The following GCNT2 variants were observed in gnomAD, a reference collection of about 807,000 sequenced individuals.
GCNT2 encodes glucosaminyl (N-acetyl) transferase 2 (I blood group), also known as N-acetyllactosaminide beta-1,6-N-acetylglucosaminyl-transferase.
A neutral mutation model predicts 34.2 loss-of-function variants in GCNT2; 34 were observed. That is an observed-to-expected ratio of 1.00 (90% CI 0.76 to 1.32). The LOEUF (loss-of-function observed/expected upper bound fraction) is 1.32. Among genes scored for constraint, GCNT2 ranks in the 40% most tolerant of loss-of-function variants. The pLI, the probability that GCNT2 is intolerant of heterozygous loss-of-function variation, is 0.00. For missense variants in GCNT2, 584 were observed against 489.4 expected (o/e 1.19, Z -1.82); for synonymous variants, 212 against 188.0 (o/e 1.13, Z -1.04).
At chr6:10,609,206 G>A (rs57090453) in intron 3 of GCNT2, among the ~76,000 whole-genome samples, 18,582 of 152,132 alleles carry the variant, frequency 0.12, 1,739 homozygotes, top group African/African-American at 0.26. Flanking sequence ...AAGAAAAGAG[G>A]TTTATCTGGC....
At chr6:10,575,206 T>TC (rs1763751400) in intron 3 of GCNT2, 1 of 376,436 alleles carries the variant, frequency 2.7e-6, no homozygotes, top group African/African-American at 2.1e-5. Flanking sequence ...GTGCCTCTCC[T>TC]CTTTTCCTTT....
chr6:10,525,366 C>T (rs562675681), intron 1 of GCNT2, among the ~76,000 whole-genome samples: 21 of 152,328 alleles, frequency 1.4e-4, no homozygotes, highest in Middle Eastern at 3.4e-3. Flanking sequence ...GTGCCTCCGA[C>T]TTAGAATTGG....
At chr6:10,602,465 T>C (rs1765128164) in intron 3 of GCNT2, among the ~76,000 whole-genome samples, 1 of 152,220 alleles carries the variant, frequency 6.6e-6, no homozygotes. Flanking sequence ...GCCTAGGTTA[T>C]TTGTAGAATA....
chr6:10,589,166 TGTG>T (rs1764513674), intron 3 of GCNT2, among the ~76,000 whole-genome samples: 1 of 104,104 alleles, frequency 9.6e-6, no homozygotes, highest in South Asian at 2.7e-4. Context: ...GTGCGTGTGG[TGTG>T]TGTGTGGTGT....
chr6:10,621,191 G>A (rs1338539549), intron 3 of GCNT2, among the ~76,000 whole-genome samples, 160 bp from the exon 4 acceptor site: 1 of 152,200 alleles, frequency 6.6e-6, no homozygotes, highest in Non-Finnish European at 1.5e-5. Context: ...ATCAACTGGA[G>A]GAAACAGAAG....
chr6:10,574,088 C>G (rs767392814), intron 3 of GCNT2, among the ~76,000 whole-genome samples: 1 of 152,222 alleles, frequency 6.6e-6, no homozygotes, highest in African/African-American at 2.4e-5. Context: ...ATTTCAATCT[C>G]TTAAGAACCC....
chr6:10,537,698 CAAAAAAAA>C (rs201257236), intron 3 of GCNT2, among the ~76,000 whole-genome samples: 1 of 83,230 alleles, frequency 1.2e-5, no homozygotes, highest in African/African-American at 5.8e-5. Flanking sequence ...GATTCTGCCG[CAAAAAAAA>C]AAAAAAAAAA....
intron 3 of GCNT2, among the ~76,000 whole-genome samples, chr6:10,561,514 T>C (rs1000185654): frequency 1.3e-5 from 2 of 152,214 alleles, no homozygotes; most frequent in Admixed American, 6.5e-5. Flanking sequence ...CCTGAAGCCA[T>C]TTAATTTTTG....
chr6:10,602,339 T>C (rs1275334673), intron 3 of GCNT2, among the ~76,000 whole-genome samples: 3 of 152,174 alleles, frequency 2.0e-5, no homozygotes, highest in African/African-American at 7.2e-5. Flanking sequence ...TTAACAGTGG[T>C]CCTGACTGCA....
At chr6:10,586,084 G>C (rs762124836) in intron 3 of GCNT2, 1 of 1,614,184 alleles carries the variant, frequency 6.2e-7, no homozygotes, top group South Asian at 1.1e-5. Context: ...CCGCCAAAAA[G>C]TTATGAGAAG....
At position 10,539,180 on chromosome 6, in the gene GCNT2, C is replaced by CTTTTTTTTTTTTTTTT. The variant is rs71548847; in HGVS notation, c.925+9355_925+9370dup. Among the ~76,000 whole-genome samples the CTTTTTTTTTTTTTTTT allele has an allele frequency of 2.1e-4, 14 of 65,330 alleles. 5 individuals carry two copies. The highest frequency in any genetic ancestry group is 3.0e-4 in the Non-Finnish European group (11 of 36,200). The allele number at this position is 65,330 out of a possible 152,430, so 42.9% of individuals were successfully genotyped here. On this transcript the variant is annotated intron_variant, in intron 3 of 4. Coordinates refer to ENST00000495262, the MANE Select transcript of GCNT2 (RefSeq NM_145649.5). Reference sequence around the variant, plus strand: ...AGCCTATCTCTACAGCTCACCGTCTCTTTTTTTTTTTTTTTTTTTTTTTTT... The same window carrying CTTTTTTTTTTTTTTTT: ...AGCCTATCTCTACAGCTCACCGTCTCTTTTTTTTTTTTTTTTTTTTTTTTTTTTTTTTTTTTTTTTT...
At chr6:10,608,108 A>C (rs1252922949) in intron 3 of GCNT2, among the ~76,000 whole-genome samples, 1 of 123,422 alleles carries the variant, frequency 8.1e-6, no homozygotes. Context: ...ATGGAGTTTC[A>C]CTCTTGTTGC....
At chr6:10,539,954 G>C (rs991450720) in intron 3 of GCNT2, among the ~76,000 whole-genome samples, 2 of 152,048 alleles carry the variant, frequency 1.3e-5, no homozygotes, top group Non-Finnish European at 2.9e-5. Flanking sequence ...GGCGCGTGCC[G>C]GTAGTCCCAG....
chr6:10,586,638 C>G (rs1229667372), intron 3 of GCNT2: 6 of 1,614,028 alleles, frequency 3.7e-6, no homozygotes, highest in Non-Finnish European at 5.1e-6. Context: ...AAATATCACC[C>G]CAGGGGTGCT....
At chr6:10,603,171 C>T (rs1310899947) in intron 3 of GCNT2, among the ~76,000 whole-genome samples, 3 of 152,146 alleles carry the variant, frequency 2.0e-5, no homozygotes, top group Non-Finnish European at 2.9e-5. Flanking sequence ...AAGTGATAAA[C>T]GTGTACATGA....
intron 3 of GCNT2, among the ~76,000 whole-genome samples, chr6:10,547,764 T>C (rs564755796): frequency 3.9e-5 from 6 of 152,332 alleles, no homozygotes; most frequent in South Asian, 4.1e-4. Context: ...AATTCATCCT[T>C]CTTCTGTGTT....
intron 1 of GCNT2, among the ~76,000 whole-genome samples, chr6:10,523,432 A>C (rs199911926): frequency 6.4e-5 from 2 of 31,078 alleles, no homozygotes; most frequent in Non-Finnish European, 1.4e-4. Context: ...GTCTCAAAAG[A>C]AAAAAAAAAA....
At chr6:10,565,453 G>T (rs1763232897) in intron 3 of GCNT2, among the ~76,000 whole-genome samples, 1 of 152,184 alleles carries the variant, frequency 6.6e-6, no homozygotes, top group Non-Finnish European at 1.5e-5. Context: ...ACAACCTCCT[G>T]AGCCAATAAT....
At chr6:10,527,744 T>A (rs1254069153) in intron 2 of GCNT2, 84 bp downstream of exon 2, 1 of 151,916 alleles carries the variant, frequency 6.6e-6, no homozygotes, top group Admixed American at 6.6e-5. Flanking sequence ...GACTTCTTGT[T>A]TAGTACCATT....
Sources: allele counts gnomAD v4.1 joint callset (sites outside exome capture counted in the v4.1 genomes callset), GRCh38; gene constraint gnomAD v4.1.1; transcripts MANE v1.5; gene names NCBI Gene and HGNC (gene_info 2026-07-23, HGNC 2026-07-21).